Variants in DYNLRB1 observed in about 807,000 individuals in gnomAD.
DYNLRB1 encodes ROBL/LC7-like 1.
DYNLRB1 carries 6 observed loss-of-function variants against 13.5 expected under a neutral mutation model. That is an observed-to-expected ratio of 0.44 (90% CI 0.24 to 0.88). The LOEUF (loss-of-function observed/expected upper bound fraction) is 0.88, where lower values mean the gene tolerates loss of function less well. DYNLRB1 is among the 40% of genes least tolerant of loss of function. The pLI, the probability that DYNLRB1 is intolerant of heterozygous loss-of-function variation, is 0.21. For missense variants in DYNLRB1, 93 were observed against 127.2 expected, an observed-to-expected ratio of 0.73 and a Z score of 1.29; for synonymous variants, 43 against 45.0, an observed-to-expected ratio of 0.96 and a Z score of 0.18.
intron 3 of DYNLRB1, among the ~76,000 whole-genome samples, chr20:34,537,483 C>T (rs113573582): frequency 2.6e-5 from 4 of 152,286 alleles, no homozygotes; most frequent in African/African-American, 9.6e-5. Flanking sequence ...TGCTGACACC[C>T]CACTGATATG....
intron 1 of DYNLRB1, among the ~76,000 whole-genome samples, chr20:34,522,135 G>C (rs893321302): frequency 6.6e-6 from 1 of 152,066 alleles, no homozygotes; most frequent in African/African-American, 2.4e-5. Context: ...CAAGAATCTT[G>C]CTCACTTGTT....
intron 3 of DYNLRB1, among the ~76,000 whole-genome samples, chr20:34,538,796 G>A (rs534073579): frequency 6.6e-6 from 1 of 152,348 alleles, no homozygotes; most frequent in East Asian, 1.9e-4. Context: ...CAGCCACAAA[G>A]TGACTTGGCT....
rs1373625109 is a variant in DYNLRB1, at chr20:34,536,251, G to T, written c.247+1456G>T. The T allele has an allele frequency of 9.1e-6, 9 of 985,278 alleles. No individual in the cohort carries two copies. In the South Asian group the frequency reaches 4.2e-4, roughly 46 times the overall value. 61.0% of individuals were successfully genotyped at this position (985,278 alleles called of 1,614,324 possible). A position where few individuals can be genotyped will look rare whatever the true frequency, so the allele number is the denominator to read the frequency against. On this transcript the variant is annotated intron_variant, in intron 3 of 3. Transcript: ENST00000357156. ...CTTTGCTTCCCACAAGCATGACCCT[G>T]GGCAAGTCGCAGAACACCTGCAAAT...
intron 1 of DYNLRB1, 112 bp downstream of exon 1, chr20:34,516,573 G>T: frequency 6.4e-7 from 1 of 1,554,598 alleles, no homozygotes; most frequent in Non-Finnish European, 8.7e-7. Flanking sequence ...ATCGGTGGTG[G>T]CTGGGCGTGG....
chr20:34,536,337 C>G (rs1981138078), intron 3 of DYNLRB1: 2 of 985,376 alleles, frequency 2.0e-6, no homozygotes, highest in Non-Finnish European at 2.4e-6. Flanking sequence ...GCCACCCTGC[C>G]TGGTTGAGTG....
intron 1 of DYNLRB1, among the ~76,000 whole-genome samples, chr20:34,521,806 G>T (rs1271043443): frequency 6.6e-6 from 1 of 152,166 alleles, no homozygotes; most frequent in Non-Finnish European, 1.5e-5. Flanking sequence ...CAACAGTTTG[G>T]GAGGCCAAGG....
Position 34,527,159 on chromosome 20 carries a change from G to A in DYNLRB1, c.79+816G>A, listed in dbSNP as rs540573376. On this transcript the variant is annotated intron_variant, in intron 2 of 3. Coordinates refer to ENST00000357156, the MANE Select transcript of DYNLRB1 (RefSeq NM_014183.4). The stretch of plus-strand genomic sequence containing the variant: ...TTGATCGGCCTACCATCACACAGTC[G>A]AGATTTAAATCCAAGCCCGTCTGAG... Among the ~76,000 whole-genome samples, 120 of 152,186 alleles carry A rather than the reference G, an allele frequency of 7.9e-4. 1 individual carries two copies. Among genetic ancestry groups the A allele is most frequent in the Non-Finnish European group, 1.5e-3 (104 of 68,042 alleles).
chr20:34,536,389 A>C (rs1007506049), intron 3 of DYNLRB1: 1 of 985,364 alleles, frequency 1.0e-6, no homozygotes, highest in Non-Finnish European at 1.2e-6. Context: ...AATCAGATTT[A>C]AACTGCAGTT....
chr20:34,540,528 G>T, intron 3 of DYNLRB1, 53 bp from the exon 4 acceptor site: 1 of 1,544,088 alleles, frequency 6.5e-7, no homozygotes, highest in Non-Finnish European at 8.9e-7. Flanking sequence ...TTTCTTGTGT[G>T]TTTTTCTCTC....
At chr20:34,516,374 GT>G, upstream of DYNLRB1, 1 of 1,580,998 alleles carries the variant, frequency 6.3e-7, no homozygotes, top group Non-Finnish European at 8.6e-7. Flanking sequence ...AGAGCTGTCC[GT>G]TTTGACAGAA....
chr20:34,524,825 G>A (rs372500735), intron 1 of DYNLRB1, among the ~76,000 whole-genome samples: 9 of 151,348 alleles, frequency 5.9e-5, no homozygotes, highest in African/African-American at 1.9e-4. Flanking sequence ...GCGGGTTCAC[G>A]CCATTCTTCT....
chr20:34,527,742 T>C lies in DYNLRB1; in HGVS notation c.79+1399T>C, dbSNP rs191134282. Among the ~76,000 whole-genome samples, 323 of 152,316 alleles carry C rather than the reference T, an allele frequency of 2.1e-3. 7 individuals carry two copies. The highest frequency in any genetic ancestry group is 0.021 in the Admixed American group (322 of 15,308). ...AGAAAATTCTGCTTTAGGGGATAGATTCTAATCAGAAGAGGCTGCAGTGAG... is the reference window on the plus strand; with the variant it reads ...AGAAAATTCTGCTTTAGGGGATAGACTCTAATCAGAAGAGGCTGCAGTGAG... On this transcript the variant is annotated intron_variant, in intron 2 of 3. Transcript: ENST00000357156.
intron 3 of DYNLRB1, 83 bp downstream of exon 3, chr20:34,534,878 T>A (rs774007788): frequency 6.2e-7 from 1 of 1,602,990 alleles, no homozygotes; most frequent in South Asian, 1.1e-5. Flanking sequence ...GGCACAGTGG[T>A]GTCTCCAGAG....
At chr20:34,539,579 G>A (rs1038036946) in intron 3 of DYNLRB1, among the ~76,000 whole-genome samples, 4 of 151,718 alleles carry the variant, frequency 2.6e-5, no homozygotes, top group East Asian at 1.9e-4. Context: ...GCAGTGAGGC[G>A]ATCTGCAACT....
chr20:34,530,268 G>A, intron 2 of DYNLRB1: 2 of 1,030,642 alleles, frequency 1.9e-6, no homozygotes, highest in Non-Finnish European at 2.3e-6. Context: ...TCATGGGGCT[G>A]ATTGCACCAT....
intron 2 of DYNLRB1, 136 bp downstream of exon 2, chr20:34,526,479 A>ATTTT: frequency 2.4e-6 from 1 of 411,762 alleles, no homozygotes; most frequent in Admixed American, 5.4e-5. Flanking sequence ...TAACACCTCC[A>ATTTT]GTGTTCTTTT....
chr20:34,529,873 A>G (rs1478988301), intron 2 of DYNLRB1: 2 of 1,528,632 alleles, frequency 1.3e-6, no homozygotes, highest in Non-Finnish European at 1.8e-6. Context: ...CCCTTGGGAC[A>G]CTGTGGAGAC....
chr20:34,520,403 G>C (rs1391746485), intron 1 of DYNLRB1, among the ~76,000 whole-genome samples: 6 of 152,038 alleles, frequency 3.9e-5, no homozygotes, highest in African/African-American at 9.7e-5. Context: ...ACCATAATTG[G>C]CCAAATATCT....
intron 1 of DYNLRB1, among the ~76,000 whole-genome samples, chr20:34,518,702 C>T (rs1568597004): frequency 6.6e-6 from 1 of 151,904 alleles, no homozygotes; most frequent in African/African-American, 2.4e-5. Context: ...GATTCACCCA[C>T]GTTGGCCTCC....
Sources: allele counts gnomAD v4.1 joint callset (sites outside exome capture counted in the v4.1 genomes callset), GRCh38; gene constraint gnomAD v4.1.1; transcripts MANE v1.5; gene names NCBI Gene and HGNC (gene_info 2026-07-23, HGNC 2026-07-21).